The following CASTOR2 variants were observed in gnomAD, a reference collection of about 807,000 sequenced individuals.
The protein encoded by CASTOR2 is cytosolic arginine sensor for mTORC1 subunit 2.
Under a neutral mutation model 31.2 loss-of-function variants are expected in CASTOR2, and 8 were observed. The observed-to-expected ratio is 0.26, with a 90% CI of 0.15 to 0.46. The LOEUF is 0.46. CASTOR2 is among the 20% of genes least tolerant of loss of function. The pLI is 0.99. For missense variants in CASTOR2, 216 were observed against 382.1 expected (o/e 0.57, Z 3.62); for synonymous variants, 162 against 158.7 (o/e 1.02, Z -0.16).
At position 75,031,515 on chromosome 7, in the gene CASTOR2, A is replaced by G. The variant is rs1415397083; in HGVS notation, c.*6816A>G. Reference sequence around the variant, plus strand: ...TGTACTTTGTAAAGTGTTAATTAAAATGAAAAAAAAAAACGATGCTGGCTG... The same window carrying G: ...TGTACTTTGTAAAGTGTTAATTAAAGTGAAAAAAAAAAACGATGCTGGCTG... On this transcript the variant is annotated 3_prime_UTR_variant, in exon 9 of 9. Coordinates refer to ENST00000616305, the MANE Select transcript of CASTOR2 (RefSeq NM_001145064.3). Among the ~76,000 whole-genome samples the G allele has an allele frequency of 7.1e-6, 1 of 141,220 alleles. No individual in the cohort carries two copies. Among genetic ancestry groups the G allele is most frequent in the African/African-American group, 2.6e-5 (1 of 38,720 alleles). 92.6% of individuals were successfully genotyped at this position (141,220 alleles called of 152,430 possible).
intron 1 of CASTOR2, among the ~76,000 whole-genome samples, chr7:74,982,490 A>G (rs1477666549): frequency 2.7e-5 from 4 of 148,796 alleles, no homozygotes; most frequent in Admixed American, 6.7e-5. Context: ...CCCCCTCCCA[A>G]CTGAGCAATG....
chr7:75,007,879 C>T, intron 1 of CASTOR2, 115 bp from the exon 2 acceptor site: 1 of 1,482,854 alleles, frequency 6.7e-7, no homozygotes, highest in Non-Finnish European at 9.4e-7. Flanking sequence ...ACCCCAGCAG[C>T]CTGGGGCCGG....
intron 2 of CASTOR2, among the ~76,000 whole-genome samples, chr7:75,010,456 G>A (rs1189775793): frequency 6.6e-6 from 1 of 152,062 alleles, no homozygotes; most frequent in Non-Finnish European, 1.5e-5. Flanking sequence ...GAGGGAACAA[G>A]GAGTGAAGTA....
chr7:75,005,882 C>T (rs1314032151), intron 1 of CASTOR2, among the ~76,000 whole-genome samples: 2 of 152,346 alleles, frequency 1.3e-5, no homozygotes, highest in Admixed American at 6.5e-5. Context: ...ATAATCCCAG[C>T]ACTTTGGGAT....
chr7:75,003,323 C>T (rs1165596394), intron 1 of CASTOR2, among the ~76,000 whole-genome samples: 14 of 152,148 alleles, frequency 9.2e-5, no homozygotes, highest in Admixed American at 2.0e-4. Flanking sequence ...GGGTAATGCA[C>T]GCCTGTAGTC....
intron 2 of CASTOR2, among the ~76,000 whole-genome samples, chr7:75,010,022 C>T (rs2131947016): frequency 6.6e-6 from 1 of 151,850 alleles, no homozygotes; most frequent in South Asian, 2.1e-4. Context: ...CCCACCTCAG[C>T]CTCCCGAGTA....
At position 75,025,706 on chromosome 7, in the gene CASTOR2, C is replaced by T. The variant is rs978938286; in HGVS notation, c.*1007C>T. On this transcript the variant is annotated 3_prime_UTR_variant, in exon 9 of 9. Coordinates refer to ENST00000616305, the MANE Select transcript of CASTOR2 (RefSeq NM_001145064.3). ...TGACCCAGGAGGCAGCTTAACTGAG[C>T]CTTAATAGAGAAAACCATACTTTGT... Among the ~76,000 whole-genome samples, 2 of 152,216 alleles carry T rather than the reference C, an allele frequency of 1.3e-5. No individual in the cohort carries two copies. The highest frequency in any genetic ancestry group is 6.5e-5 in the Admixed American group (1 of 15,274).
chr7:75,030,882 G>C lies in CASTOR2; in HGVS notation c.*6183G>C, dbSNP rs1215771873. Among the ~76,000 whole-genome samples, 5 of 152,176 alleles carry C rather than the reference G, an allele frequency of 3.3e-5. No individual in the cohort carries two copies. The highest frequency in any genetic ancestry group is 1.2e-4 in the African/African-American group (5 of 41,450). On this transcript the variant is annotated 3_prime_UTR_variant, in exon 9 of 9. Coordinates refer to ENST00000616305, the MANE Select transcript of CASTOR2 (RefSeq NM_001145064.3). ...GTGTTCACAGGGAGAGTTTGTGGGG[G>C]CCGGCACTCCCTCATCTACTGGGGC... is the stretch of plus-strand genomic sequence containing the variant.
chr7:75,002,496 C>CTATT (rs1264585165), intron 1 of CASTOR2, among the ~76,000 whole-genome samples: 3 of 152,058 alleles, frequency 2.0e-5, no homozygotes, highest in Admixed American at 2.0e-4. Context: ...TGGCAGGCGC[C>CTATT]TGTAATCCCA....
chr7:74,992,066 C>G (rs1554437397), intron 1 of CASTOR2, among the ~76,000 whole-genome samples: 1 of 151,922 alleles, frequency 6.6e-6, no homozygotes, highest in Admixed American at 6.6e-5. Flanking sequence ...TCGAAGAGGG[C>G]TTGGTGAAGG....
chr7:75,009,106 G>A (rs1804670646), intron 2 of CASTOR2, among the ~76,000 whole-genome samples: 2 of 151,696 alleles, frequency 1.3e-5, no homozygotes, highest in East Asian at 1.9e-4. Context: ...ACAGGTGCCC[G>A]CCGCCACGCC....
chr7:74,996,818 T>A (rs1421787270), intron 1 of CASTOR2, among the ~76,000 whole-genome samples: 1 of 130,402 alleles, frequency 7.7e-6, no homozygotes, highest in Non-Finnish European at 1.6e-5. Context: ...AACCTTCGCC[T>A]CCCAGGTTCA....
chr7:75,005,337 T>TA (rs1168861080), intron 1 of CASTOR2, among the ~76,000 whole-genome samples: 2 of 152,170 alleles, frequency 1.3e-5, no homozygotes, highest in Non-Finnish European at 2.9e-5. Context: ...AATAGAAACA[T>TA]ACAGTATAGA....
intron 1 of CASTOR2, among the ~76,000 whole-genome samples, chr7:75,004,372 C>T (rs1208560180): frequency 6.6e-6 from 1 of 151,832 alleles, no homozygotes; most frequent in Non-Finnish European, 1.5e-5. Context: ...AATTGATGAG[C>T]GTGGGTGGTT....
At chr7:74,980,762 G>GGGGATGC (rs1803929627) in intron 1 of CASTOR2, among the ~76,000 whole-genome samples, 1 of 114,058 alleles carries the variant, frequency 8.8e-6, no homozygotes, top group African/African-American at 4.7e-5. Context: ...GCTGAGCTGT[G>GGGGATGC]GGGATGCGGG....
At chr7:74,982,555 G>A (rs1203977069) in intron 1 of CASTOR2, among the ~76,000 whole-genome samples, 1 of 131,896 alleles carries the variant, frequency 7.6e-6, no homozygotes. Flanking sequence ...GGGGGTGTAT[G>A]GGCTGGGCGT....
At chr7:75,007,140 A>G (rs1804624770) in intron 1 of CASTOR2, among the ~76,000 whole-genome samples, 1 of 152,132 alleles carries the variant, frequency 6.6e-6, no homozygotes, top group African/African-American at 2.4e-5. Flanking sequence ...TCTGCCTGCA[A>G]TACTCTCTAG....
intron 1 of CASTOR2, among the ~76,000 whole-genome samples, chr7:74,986,351 TG>T (rs1804065312): frequency 6.6e-6 from 1 of 151,438 alleles, no homozygotes. Context: ...ATTAGCCAGG[TG>T]TGGTGACGGG....
intron 1 of CASTOR2, among the ~76,000 whole-genome samples, chr7:74,975,960 C>G (rs1395529892): frequency 6.7e-6 from 1 of 150,144 alleles, no homozygotes; most frequent in Non-Finnish European, 1.5e-5. Context: ...CACCCCCAAC[C>G]GGCAGAGCGG....
Sources: allele counts gnomAD v4.1 joint callset (sites outside exome capture counted in the v4.1 genomes callset), GRCh38; gene constraint gnomAD v4.1.1; transcripts MANE v1.5; gene names NCBI Gene and HGNC (gene_info 2026-07-23, HGNC 2026-07-21).